CDH4: variants seen among roughly 807,000 people sequenced by gnomAD.
CDH4 encodes the protein cadherin-4.
CDH4 carries 33 observed loss-of-function variants against 86.0 expected under a neutral mutation model. That is an observed-to-expected ratio of 0.38 (90% CI 0.29 to 0.51). The LOEUF (loss-of-function observed/expected upper bound fraction) is 0.51. Among genes scored for constraint, CDH4 ranks in the 20% least tolerant of loss-of-function variants. The pLI, the probability that CDH4 is intolerant of heterozygous loss-of-function variation, is 0.86. For missense variants in CDH4, 1,114 were observed against 1,307.4 expected, an observed-to-expected ratio of 0.85 and a Z score of 2.28; for synonymous variants, 555 against 549.4, an observed-to-expected ratio of 1.01 and a Z score of -0.14.
Position 61,754,753 on chromosome 20 carries a change from C to T in CDH4, c.396+10964C>T, listed in dbSNP as rs2088539993. Reference sequence around the variant, plus strand: ...CGCCCCGCACACACTATGCACACCACACACACAGTGCATGCCACACACACC... The same window carrying T: ...CGCCCCGCACACACTATGCACACCATACACACAGTGCATGCCACACACACC... On this transcript the variant is annotated intron_variant, in intron 3 of 15. Coordinates refer to ENST00000614565, the MANE Select transcript of CDH4 (RefSeq NM_001794.5). The surrounding 1 kb of genome is among the most constrained non-coding windows in gnomAD (Gnocchi z 4.7). Among the ~76,000 whole-genome samples the T allele has an allele frequency of 6.7e-6, 1 of 150,306 alleles. No homozygotes were observed. The highest frequency in any genetic ancestry group is 1.5e-5 in the Non-Finnish European group (1 of 67,510).
intron 2 of CDH4, among the ~76,000 whole-genome samples, chr20:61,378,083 A>T (rs763855601): frequency 6.6e-6 from 1 of 152,034 alleles, no homozygotes; most frequent in African/African-American, 2.4e-5. Flanking sequence ...CAAGACCCCC[A>T]TCTCTCTAAA....
chr20:61,531,722 G>C (rs976423025), intron 2 of CDH4, among the ~76,000 whole-genome samples: 2 of 152,196 alleles, frequency 1.3e-5, no homozygotes, highest in Non-Finnish European at 2.9e-5. Flanking sequence ...GCCCCAGCTG[G>C]CAGGGGCCAC....
chr20:61,737,884 G>A (rs1255796252), intron 2 of CDH4, among the ~76,000 whole-genome samples: 1 of 152,224 alleles, frequency 6.6e-6, no homozygotes, highest in Non-Finnish European at 1.5e-5. Flanking sequence ...CACAGAGACA[G>A]GAGGCTGTGG....
chr20:61,887,392 A>G (rs1984594528), intron 7 of CDH4, among the ~76,000 whole-genome samples: 1 of 152,142 alleles, frequency 6.6e-6, no homozygotes, highest in Admixed American at 6.5e-5. Context: ...TCAGCTGCAC[A>G]CACACACACA....
chr20:61,513,105 T>A (rs1422250548), intron 2 of CDH4, among the ~76,000 whole-genome samples: 3 of 152,172 alleles, frequency 2.0e-5, no homozygotes, highest in Non-Finnish European at 4.4e-5. Context: ...GTCCTACAGG[T>A]AGGCCGTCCA....
Position 61,924,313 on chromosome 20 carries a change from C to G in CDH4, c.1629-21C>G, listed in dbSNP as rs776360922. 2.3e-5 allele frequency: 37 copies of G among 1,608,188 alleles called. No individual in the cohort carries two copies. In the South Asian group the frequency reaches 2.5e-4, roughly 11 times the overall value. On this transcript the variant is annotated intron_variant, in intron 10 of 15. Coordinates refer to ENST00000614565, the MANE Select transcript of CDH4 (RefSeq NM_001794.5). Reference sequence around the variant, plus strand: ...CGCCCACCCCCAGCCTTACCTCCCCCTGCACTTGTGGTCTCCGCAGATACT... The same window carrying G: ...CGCCCACCCCCAGCCTTACCTCCCCGTGCACTTGTGGTCTCCGCAGATACT...
intron 2 of CDH4, among the ~76,000 whole-genome samples, chr20:61,720,151 G>C (rs1031932452): frequency 6.6e-6 from 1 of 152,110 alleles, no homozygotes; most frequent in South Asian, 2.1e-4. Context: ...TCCTGCCTTC[G>C]GGTGGAGGGC....
chr20:61,333,576 AG>A (rs1384292967), intron 2 of CDH4, among the ~76,000 whole-genome samples: 1 of 152,166 alleles, frequency 6.6e-6, no homozygotes, highest in Non-Finnish European at 1.5e-5. Context: ...GCTACCCTGT[AG>A]TTGGTGTGTG....
chr20:61,909,635 G>A (rs974530901), intron 8 of CDH4, among the ~76,000 whole-genome samples: 3 of 152,122 alleles, frequency 2.0e-5, no homozygotes, highest in East Asian at 1.9e-4. Flanking sequence ...CATCTCCCAC[G>A]GCCTCCCCTT....
At chr20:61,850,706 C>G (rs546550544) in intron 5 of CDH4, among the ~76,000 whole-genome samples, 1 of 152,258 alleles carries the variant, frequency 6.6e-6, no homozygotes, top group Non-Finnish European at 1.5e-5. Context: ...GGTTGCAGAA[C>G]GCTCGGAGGA....
chr20:61,626,446 G>A (rs1332675380), intron 2 of CDH4, among the ~76,000 whole-genome samples: 2 of 145,176 alleles, frequency 1.4e-5, no homozygotes, highest in East Asian at 1.9e-4. Context: ...GTGACTTGCA[G>A]AAGCAGAAGG....
intron 2 of CDH4, among the ~76,000 whole-genome samples, chr20:61,395,900 G>A (rs911084165): frequency 6.6e-6 from 1 of 152,212 alleles, no homozygotes; most frequent in African/African-American, 2.4e-5. Flanking sequence ...ATGATAGCCA[G>A]CATTGATCCA....
At chr20:61,689,584 G>A (rs1176335786) in intron 2 of CDH4, among the ~76,000 whole-genome samples, 1 of 117,522 alleles carries the variant, frequency 8.5e-6, no homozygotes, top group African/African-American at 3.4e-5. Flanking sequence ...TGTGGATTCC[G>A]GCGGGGACAG....
chr20:61,499,992 G>A (rs912899112), intron 2 of CDH4, among the ~76,000 whole-genome samples: 3 of 152,122 alleles, frequency 2.0e-5, no homozygotes, highest in Non-Finnish European at 2.9e-5. Flanking sequence ...TGAGTCATGC[G>A]CTAGGCCATG....
At chr20:61,564,211 A>G (rs1377541525) in intron 2 of CDH4, among the ~76,000 whole-genome samples, 1 of 152,082 alleles carries the variant, frequency 6.6e-6, no homozygotes, top group Non-Finnish European at 1.5e-5. Context: ...TTTATTCACA[A>G]TGAGTTCATA....
chr20:61,731,497 G>A (rs1251811929), intron 2 of CDH4, among the ~76,000 whole-genome samples: 2 of 152,172 alleles, frequency 1.3e-5, no homozygotes, highest in Admixed American at 6.5e-5. Context: ...GGTGCACCTG[G>A]AGCCTGGGCA....
In CDH4 at chr20:61,713,911, G is replaced by A. The variant is rs549193047; in HGVS notation, c.170-29652G>A. Among the ~76,000 whole-genome samples the A allele has an allele frequency of 2.2e-4, 33 of 152,272 alleles. 2 individuals carry two copies. In the South Asian group the frequency reaches 6.0e-3, roughly 28 times the overall value. On this transcript the variant is annotated intron_variant, in intron 2 of 15. Transcript: ENST00000614565. ...GGGACCCCCATGCTCAGCTTTCCCCGTGCAGTGGGCTGATCAGATGTGTGT... is the reference window on the plus strand; with the variant it reads ...GGGACCCCCATGCTCAGCTTTCCCCATGCAGTGGGCTGATCAGATGTGTGT...
intron 2 of CDH4, among the ~76,000 whole-genome samples, chr20:61,633,727 G>C (rs2086918733): frequency 6.6e-6 from 1 of 152,204 alleles, no homozygotes; most frequent in Non-Finnish European, 1.5e-5. Flanking sequence ...CCTGCCTCTT[G>C]GGGTTTTGGG....
intron 2 of CDH4, among the ~76,000 whole-genome samples, chr20:61,437,812 A>G (rs2085293165): frequency 6.6e-6 from 1 of 152,194 alleles, no homozygotes; most frequent in African/African-American, 2.4e-5. Flanking sequence ...CACGACGGTT[A>G]GGAAAATTCC....
Sources: allele counts gnomAD v4.1 joint callset (sites outside exome capture counted in the v4.1 genomes callset), GRCh38; gene constraint gnomAD v4.1.1; non-coding constraint Gnocchi (gnomAD v3.1); transcripts MANE v1.5; gene names NCBI Gene and HGNC (gene_info 2026-07-23, HGNC 2026-07-21).